Variants in RYR3 observed in about 807,000 individuals in gnomAD.
The protein encoded by RYR3 is brain ryanodine receptor-calcium release channel.
A neutral mutation model predicts 584.3 loss-of-function variants in RYR3; 207 were observed. The observed-to-expected ratio is 0.35, with a 90% CI of 0.32 to 0.40. RYR3 has a LOEUF of 0.40. RYR3 is among the 10% of genes least tolerant of loss of function. The pLI, the probability that RYR3 is intolerant of heterozygous loss-of-function variation, is 1.00. For synonymous variants in RYR3, 2,416 were observed against 2,248.5 expected, an observed-to-expected ratio of 1.07 and a Z score of -2.11; for missense variants, 5,616 against 6,089.2, an observed-to-expected ratio of 0.92 and a Z score of 2.59.
At chr15:33,336,440 AAGAG>A (rs1204873404) in intron 1 of RYR3, among the ~76,000 whole-genome samples, 509 of 12,112 alleles carry the variant, frequency 0.042, 67 homozygotes, top group Admixed American at 0.09. Context: ...GAAAGAAAGA[AAGAG>A]AGAGAGAGAG....
intron 57 of RYR3, among the ~76,000 whole-genome samples, chr15:33,753,864 A>T (rs114311431): frequency 6.6e-6 from 1 of 152,224 alleles, no homozygotes; most frequent in South Asian, 2.1e-4. Context: ...GCTCACAGCA[A>T]TGAAAAATTC....
chr15:33,433,497 C>A (rs1430328259), intron 1 of RYR3, among the ~76,000 whole-genome samples: 3 of 151,560 alleles, frequency 2.0e-5, no homozygotes, highest in Non-Finnish European at 1.5e-5. Flanking sequence ...ATGATACACT[C>A]AAAGAAATTA....
intron 18 of RYR3, among the ~76,000 whole-genome samples, chr15:33,605,353 C>A (rs993789452): frequency 1.3e-5 from 2 of 152,174 alleles, no homozygotes; most frequent in African/African-American, 4.8e-5. Flanking sequence ...AGTTCCCCAT[C>A]CTCTCCCTCA....
intron 70 of RYR3, among the ~76,000 whole-genome samples, chr15:33,810,207 G>A (rs895779147): frequency 6.6e-6 from 1 of 152,192 alleles, no homozygotes; most frequent in Non-Finnish European, 1.5e-5. Flanking sequence ...TGTTCAGTCC[G>A]GAACTGAGTG....
intron 74 of RYR3, 42 bp from the exon 75 acceptor site, chr15:33,816,819 TC>T (rs2076836577): frequency 1.1e-5 from 15 of 1,317,654 alleles, no homozygotes; most frequent in Non-Finnish European, 1.6e-5. Context: ...AAGAACAAGT[TC>T]CATGGATCCC....
intron 38 of RYR3, among the ~76,000 whole-genome samples, chr15:33,686,830 A>T (rs943726058): frequency 2.6e-5 from 4 of 152,268 alleles, no homozygotes; most frequent in Non-Finnish European, 5.9e-5. Flanking sequence ...CCACATGATT[A>T]TCTCAATAGA....
At position 33,486,738 on chromosome 15, in the gene RYR3, T is replaced by C. The variant is rs554173441; in HGVS notation, c.171+13200T>C. 3.9e-5 allele frequency among the ~76,000 whole-genome samples: 6 copies of C among 152,280 alleles called. No individual in the cohort carries two copies. In the South Asian group the frequency reaches 8.3e-4, roughly 21 times the overall value. ...TAGAAGAATAATGATCTAAAACCAG[T>C]GCTGAGCAGCAGAAGTGCATAGGCC... On this transcript the variant is annotated intron_variant, in intron 2 of 103. Coordinates refer to ENST00000634891, the MANE Select transcript of RYR3 (RefSeq NM_001036.6).
chr15:33,383,787 A>C (rs995102840), intron 1 of RYR3, among the ~76,000 whole-genome samples: 1 of 152,198 alleles, frequency 6.6e-6, no homozygotes, highest in African/African-American at 2.4e-5. Context: ...AAAATTATTC[A>C]TTCTGTCAAA....
At chr15:33,790,172 T>C (rs2075068393) in intron 67 of RYR3, among the ~76,000 whole-genome samples, 1 of 151,352 alleles carries the variant, frequency 6.6e-6, no homozygotes. Context: ...TATTGTATTT[T>C]TTAGTAGAGA....
At position 33,631,404 on chromosome 15, in the gene RYR3, C is replaced by T. The variant is rs2061259206; in HGVS notation, c.2867+111C>T. 1.7e-5 allele frequency: 11 copies of T among 638,358 alleles called. No individual in the cohort carries two copies. The South Asian group carries it at 1.8e-4, about 11-fold the overall frequency. 39.5% of individuals were successfully genotyped at this position (638,358 alleles called of 1,614,324 possible). A position where few individuals can be genotyped will look rare whatever the true frequency, so the allele number is the denominator to read the frequency against. ...CAGCCCACATAGTTGCTAGCACCAG[C>T]TCAGAAGGGCTCCCCTGTTTCCTAG... On this transcript the variant is annotated intron_variant, in intron 23 of 103. Transcript: ENST00000634891.
At chr15:33,687,800 C>G (rs2065121060) in intron 38 of RYR3, among the ~76,000 whole-genome samples, 1 of 152,156 alleles carries the variant, frequency 6.6e-6, no homozygotes, top group Admixed American at 6.5e-5. Context: ...CTGACAAAAA[C>G]AGGAAATGGG....
chr15:33,396,558 T>C (rs145543446), intron 1 of RYR3, among the ~76,000 whole-genome samples: 2 of 152,336 alleles, frequency 1.3e-5, no homozygotes, highest in East Asian at 3.9e-4. Context: ...GTCAGACAGA[T>C]ACTAGGTTGG....
At chr15:33,332,775 C>T (rs920634439) in intron 1 of RYR3, among the ~76,000 whole-genome samples, 2 of 151,652 alleles carry the variant, frequency 1.3e-5, no homozygotes. Flanking sequence ...ATGAAAATAC[C>T]ATATAGCAAA....
intron 1 of RYR3, among the ~76,000 whole-genome samples, chr15:33,353,738 C>A (rs1221191183): frequency 6.6e-6 from 1 of 152,080 alleles, no homozygotes; most frequent in Non-Finnish European, 1.5e-5. Context: ...TCCTGCGGAG[C>A]AGTTTTCCCT....
chr15:33,864,193 AGAAATTAAGAATCATATACCCGTGTTAG>A lies in RYR3; in HGVS notation c.14517+5_14517+32del. 2 of 1,607,108 alleles carry A rather than the reference AGAAATTAAGAATCATATACCCGTGTTAG, an allele frequency of 1.2e-6. No individual in the cohort carries two copies. Among genetic ancestry groups the A allele is most frequent in the East Asian group, 4.5e-5 (2 of 44,808 alleles). ...TGAAACAGAGCACACGGGTCAGGTG[AGAAATTAAGAATCATATACCCGTGTTAG>A]ATCTCCCTTTCCTAAATCTTGAGAC... On this transcript the variant is annotated splice_donor_5th_base_variant and intron_variant, in intron 103 of 103. Transcript: ENST00000634891.
chr15:33,362,589 C>G (rs923495544), intron 1 of RYR3, among the ~76,000 whole-genome samples: 2 of 152,236 alleles, frequency 1.3e-5, no homozygotes, highest in Non-Finnish European at 2.9e-5. Context: ...GACCCAACTC[C>G]TAGCCTGGAA....
At chr15:33,523,448 C>G (rs908840723) in intron 3 of RYR3, among the ~76,000 whole-genome samples, 7 of 152,166 alleles carry the variant, frequency 4.6e-5, no homozygotes, top group Non-Finnish European at 8.8e-5. Context: ...AAACTCTGGA[C>G]ACCCCACCTT....
chr15:33,806,193 T>C (rs547921312), intron 69 of RYR3, among the ~76,000 whole-genome samples: 1 of 152,288 alleles, frequency 6.6e-6, no homozygotes, highest in African/African-American at 2.4e-5. Context: ...TGTCCCCTTG[T>C]GATGTGTCCT....
chr15:33,474,773 C>T (rs1417392789), intron 2 of RYR3, among the ~76,000 whole-genome samples: 2 of 152,138 alleles, frequency 1.3e-5, no homozygotes, highest in Non-Finnish European at 2.9e-5. Context: ...TCCACATAAA[C>T]ATACACAACA....
Sources: gnomAD v4.1 joint callset for allele counts (sites outside exome capture counted in the v4.1 genomes callset) on GRCh38, gnomAD v4.1.1 for gene constraint, MANE v1.5 for transcripts, NCBI Gene and HGNC (gene_info 2026-07-23, HGNC 2026-07-21) for gene names.